Variants in PLPPR5 observed in about 807,000 individuals in gnomAD.
PLPPR5 encodes phospholipid phosphatase-related protein type 5.
Under a neutral mutation model 33.9 loss-of-function variants are expected in PLPPR5, and 16 were observed. The ratio of observed to expected loss-of-function variants is 0.47; its 90% CI spans 0.32 to 0.72. The LOEUF (loss-of-function observed/expected upper bound fraction) is 0.72, where lower values mean the gene tolerates loss of function less well. Ranked by LOEUF, PLPPR5 falls within the 30% of genes least tolerant of loss-of-function variation. The pLI is 0.03. For missense variants in PLPPR5, 301 were observed against 406.7 expected (o/e 0.74, Z 2.23); for synonymous variants, 163 against 150.3 (o/e 1.08, Z -0.62).
At chr1:99,004,921 G>C, upstream of PLPPR5, 1 of 177,960 alleles carries the variant, frequency 5.6e-6, no homozygotes, top group Non-Finnish European at 1.2e-5. Flanking sequence ...CCTGCCCGCC[G>C]CAAGCGCCGC....
intron 3 of PLPPR5, among the ~76,000 whole-genome samples, chr1:98,938,695 C>T (rs867499895): frequency 6.6e-6 from 1 of 151,890 alleles, no homozygotes; most frequent in East Asian, 1.9e-4. Context: ...AAGTTCTGCC[C>T]GGTTCACTGG....
At chr1:98,990,433 G>T (rs1274445224) in intron 1 of PLPPR5, among the ~76,000 whole-genome samples, 1 of 152,010 alleles carries the variant, frequency 6.6e-6, no homozygotes, top group Non-Finnish European at 1.5e-5. Flanking sequence ...CTATATAAAT[G>T]CTTAAGTAGT....
chr1:98,951,707 T>C (rs1176701591), intron 3 of PLPPR5, among the ~76,000 whole-genome samples: 1 of 152,236 alleles, frequency 6.6e-6, no homozygotes, highest in Admixed American at 6.5e-5. Flanking sequence ...TAATCTTTAT[T>C]TGAATCTCAA....
At chr1:98,955,423 T>A (rs1377984413) in intron 2 of PLPPR5, among the ~76,000 whole-genome samples, 2 of 152,130 alleles carry the variant, frequency 1.3e-5, no homozygotes, top group African/African-American at 4.8e-5. Context: ...TGTTGCATAT[T>A]GCTTTTTTTA....
At chr1:98,952,631 AG>A (rs1379685702) in intron 3 of PLPPR5, among the ~76,000 whole-genome samples, 1 of 152,186 alleles carries the variant, frequency 6.6e-6, no homozygotes, top group Non-Finnish European at 1.5e-5. Flanking sequence ...ATGAAGATAT[AG>A]TTGCCTGTAA....
At chr1:98,991,346 C>G (rs1197605454) in intron 1 of PLPPR5, 1 of 152,014 alleles carries the variant, frequency 6.6e-6, no homozygotes, top group Non-Finnish European at 1.5e-5. Context: ...GTTACACCCG[C>G]CCCAAGTCTA....
chr1:98,966,857 C>A (rs941177183), intron 1 of PLPPR5, among the ~76,000 whole-genome samples: 3 of 152,094 alleles, frequency 2.0e-5, no homozygotes, highest in Non-Finnish European at 4.4e-5. Flanking sequence ...GAGAGCTCTA[C>A]AGACAGTAGC....
At chr1:98,976,432 T>C (rs1651856692) in intron 1 of PLPPR5, among the ~76,000 whole-genome samples, 1 of 152,098 alleles carries the variant, frequency 6.6e-6, no homozygotes, top group Admixed American at 6.6e-5. Context: ...TTTAAAAATC[T>C]ATTCAGATAT....
intron 2 of PLPPR5, 72 bp from the exon 3 acceptor site, chr1:98,953,392 T>TGAGTGA (rs377156706): frequency 2.7e-6 from 4 of 1,476,584 alleles, no homozygotes; most frequent in African/African-American, 1.4e-5. Context: ...TGTGTGTGTG[T>TGAGTGA]GTGAATTTCA....
chr1:98,908,735 G>C (rs955033963), intron 5 of PLPPR5, among the ~76,000 whole-genome samples: 1 of 152,164 alleles, frequency 6.6e-6, no homozygotes, highest in African/African-American at 2.4e-5. Context: ...AATGGGGATG[G>C]CTGCAGGTGC....
At chr1:98,954,790 A>G (rs1650941060) in intron 2 of PLPPR5, among the ~76,000 whole-genome samples, 1 of 152,130 alleles carries the variant, frequency 6.6e-6, no homozygotes, top group African/African-American at 2.4e-5. Flanking sequence ...ACTGAGCTCA[A>G]TAAAACTTCT....
intron 1 of PLPPR5, among the ~76,000 whole-genome samples, chr1:98,967,896 G>A (rs1047945914): frequency 2.0e-5 from 3 of 152,028 alleles, no homozygotes; most frequent in South Asian, 4.1e-4. Flanking sequence ...CCTAGAATAG[G>A]GTAATAGAGT....
At chr1:98,969,566 C>T (rs1336841080) in intron 1 of PLPPR5, among the ~76,000 whole-genome samples, 1 of 151,958 alleles carries the variant, frequency 6.6e-6, no homozygotes, top group Non-Finnish European at 1.5e-5. Context: ...GAAAGAATGA[C>T]ATTCTTTTTC....
chr1:98,958,188 G>A (rs1370962994), intron 1 of PLPPR5, among the ~76,000 whole-genome samples: 1 of 152,182 alleles, frequency 6.6e-6, no homozygotes, highest in East Asian at 1.9e-4. Flanking sequence ...ATGCTATACA[G>A]GGAGTCCCTG....
chr1:98,952,976 A>T (rs1650843213), intron 3 of PLPPR5, 94 bp downstream of exon 3: 2 of 1,446,380 alleles, frequency 1.4e-6, no homozygotes, highest in Non-Finnish European at 1.9e-6. Flanking sequence ...ATGTGCTTTA[A>T]GTGACTTTCA....
At chr1:98,961,291 A>C (rs1651240945) in intron 1 of PLPPR5, among the ~76,000 whole-genome samples, 1 of 152,218 alleles carries the variant, frequency 6.6e-6, no homozygotes, top group Non-Finnish European at 1.5e-5. Flanking sequence ...TACTACACTT[A>C]AAGCTTGTTA....
At chr1:98,895,500 T>C (rs779396769) in intron 5 of PLPPR5, among the ~76,000 whole-genome samples, 4 of 152,054 alleles carry the variant, frequency 2.6e-5, no homozygotes, top group Admixed American at 6.6e-5. Flanking sequence ...TAGAAAATAC[T>C]GGAATTCAGT....
intron 1 of PLPPR5, among the ~76,000 whole-genome samples, chr1:98,985,297 A>G (rs1340737803): frequency 2.0e-5 from 3 of 152,062 alleles, no homozygotes; most frequent in Admixed American, 1.3e-4. Context: ...TCCACCTTGC[A>G]TTATGCTGTT....
chr1:98,932,787 T>A (rs1650026405), intron 3 of PLPPR5, among the ~76,000 whole-genome samples: 1 of 152,140 alleles, frequency 6.6e-6, no homozygotes, highest in Non-Finnish European at 1.5e-5. Context: ...CATCAGAGGA[T>A]CTGAGTTCCA....
Sources: gnomAD v4.1 joint callset for allele counts (sites outside exome capture counted in the v4.1 genomes callset) on GRCh38, gnomAD v4.1.1 for gene constraint, MANE v1.5 for transcripts, NCBI Gene and HGNC (gene_info 2026-07-23, HGNC 2026-07-21) for gene names.